SLC35F3: variants seen among roughly 807,000 people sequenced by gnomAD.
SLC35F3 encodes the protein solute carrier family 35 member F3, also known as putative thiamine transporter SLC35F3.
Under a neutral mutation model 49.9 loss-of-function variants are expected in SLC35F3, and 25 were observed. That is an observed-to-expected ratio of 0.50 (90% CI 0.37 to 0.70). SLC35F3 has a LOEUF of 0.70. SLC35F3 is among the 30% of genes least tolerant of loss of function. SLC35F3 has a pLI of 0.00. For synonymous variants in SLC35F3, 275 were observed against 265.4 expected (o/e 1.04, Z -0.35); for missense variants, 525 against 639.8 (o/e 0.82, Z 1.94).
chr1:233,916,041 C>G (rs1189310829), intron 2 of SLC35F3, among the ~76,000 whole-genome samples: 2 of 152,298 alleles, frequency 1.3e-5, no homozygotes, highest in Admixed American at 6.5e-5. Flanking sequence ...TAAACATTTT[C>G]CATGGCAAAA....
At chr1:233,999,210 C>T (rs1409419909) in intron 2 of SLC35F3, among the ~76,000 whole-genome samples, 1 of 152,114 alleles carries the variant, frequency 6.6e-6, no homozygotes, top group African/African-American at 2.4e-5. Context: ...CACGTTTTTT[C>T]CACCGCGTCC....
At chr1:234,234,968 T>C (rs976838159) in intron 3 of SLC35F3, among the ~76,000 whole-genome samples, 3 of 152,216 alleles carry the variant, frequency 2.0e-5, no homozygotes, top group African/African-American at 7.2e-5. Flanking sequence ...TTGCCCATGC[T>C]TTGTTCGTGA....
chr1:234,245,936 T>C (rs1558272025), intron 3 of SLC35F3, among the ~76,000 whole-genome samples: 1 of 152,148 alleles, frequency 6.6e-6, no homozygotes, highest in African/African-American at 2.4e-5. Flanking sequence ...TCCACCATAG[T>C]TTATGTCAAG....
chr1:234,021,769 G>A (rs1331172031), intron 2 of SLC35F3, among the ~76,000 whole-genome samples: 2 of 151,850 alleles, frequency 1.3e-5, no homozygotes, highest in East Asian at 3.9e-4. Context: ...ACACCATTCA[G>A]GTTTTTATTC....
intron 2 of SLC35F3, among the ~76,000 whole-genome samples, chr1:233,950,506 CCCTTCCTTCCTTCCTTTTT>C (rs1239712657): frequency 5.7e-5 from 8 of 139,216 alleles, no homozygotes; most frequent in East Asian, 4.5e-4. Context: ...CCCACTTCCT[CCCTTCCTTCCTTCCTTTTT>C]CCTTCCTTCC....
At chr1:234,312,516 T>TG (rs777502960) in intron 4 of SLC35F3, among the ~76,000 whole-genome samples, 63 of 152,270 alleles carry the variant, frequency 4.1e-4, no homozygotes, top group Non-Finnish European at 7.1e-4. Flanking sequence ...CCCTGCTGTG[T>TG]GGGGGGCTGC....
intron 2 of SLC35F3, among the ~76,000 whole-genome samples, chr1:234,087,579 C>T (rs1664980110): frequency 6.6e-6 from 1 of 152,194 alleles, no homozygotes; most frequent in African/African-American, 2.4e-5. Context: ...AGCCTAGGAT[C>T]CTCCCACTGC....
At chr1:234,062,707 C>A (rs919691543) in intron 2 of SLC35F3, among the ~76,000 whole-genome samples, 1 of 149,992 alleles carries the variant, frequency 6.7e-6, no homozygotes, top group African/African-American at 2.5e-5. Flanking sequence ...TGAGACGGAG[C>A]CTTGCTCTGT....
chr1:234,287,771 G>A (rs898075684), intron 3 of SLC35F3, among the ~76,000 whole-genome samples: 3 of 152,204 alleles, frequency 2.0e-5, no homozygotes, highest in Non-Finnish European at 2.9e-5. Context: ...GCTTGAGGAT[G>A]TAAGACTTAA....
chr1:234,199,963 A>G lies in SLC35F3; in HGVS notation c.284-31454A>G, dbSNP rs144820319. Among the ~76,000 whole-genome samples the G allele has an allele frequency of 4.6e-5, 7 of 152,344 alleles. No homozygotes were observed. The South Asian group carries it at 6.2e-4, about 14-fold the overall frequency. ...TATTACCTCATACCTGTTAGAATGC[A>G]GTTACCAAAAAGGTGAATAATAGCA... is the stretch of plus-strand genomic sequence containing the variant. On this transcript the variant is annotated intron_variant, in intron 2 of 7. Transcript: ENST00000366618.
intron 2 of SLC35F3, among the ~76,000 whole-genome samples, chr1:233,949,592 C>T (rs766143186): frequency 2.0e-5 from 3 of 152,150 alleles, no homozygotes; most frequent in Non-Finnish European, 4.4e-5. Flanking sequence ...GAGAATTTCC[C>T]CAGGACCATG....
intron 2 of SLC35F3, among the ~76,000 whole-genome samples, chr1:234,079,902 T>C (rs919370675): frequency 2.6e-5 from 4 of 152,328 alleles, no homozygotes; most frequent in African/African-American, 9.6e-5. Context: ...GGCTTTTGTC[T>C]CTGGTTTCTG....
intron 3 of SLC35F3, among the ~76,000 whole-genome samples, chr1:234,253,124 G>A (rs1440710387): frequency 6.6e-6 from 1 of 152,046 alleles, no homozygotes; most frequent in Non-Finnish European, 1.5e-5. Flanking sequence ...TCAGGAGTTC[G>A]AGACCAGCCT....
At chr1:233,936,740 G>A (rs988536918) in intron 2 of SLC35F3, among the ~76,000 whole-genome samples, 6 of 151,874 alleles carry the variant, frequency 4.0e-5, no homozygotes, top group Admixed American at 2.6e-4. Flanking sequence ...CCAAGCTGAA[G>A]TGCAGTGGTG....
At chr1:234,004,196 AATGTC>A (rs1366775441) in intron 2 of SLC35F3, among the ~76,000 whole-genome samples, 2 of 152,298 alleles carry the variant, frequency 1.3e-5, no homozygotes, top group East Asian at 3.9e-4. Flanking sequence ...GAAACAATCT[AATGTC>A]TGTCAATAGA....
At chr1:233,974,804 A>T (rs771019712) in intron 2 of SLC35F3, among the ~76,000 whole-genome samples, 9 of 152,222 alleles carry the variant, frequency 5.9e-5, no homozygotes, top group Non-Finnish European at 1.0e-4. Flanking sequence ...AACTGAAAAG[A>T]GGGATTTGGA....
intron 3 of SLC35F3, among the ~76,000 whole-genome samples, chr1:234,280,405 C>A (rs1435799109): frequency 6.6e-6 from 1 of 152,210 alleles, no homozygotes; most frequent in Admixed American, 6.5e-5. Context: ...AACCTTTCTA[C>A]TGAGAATCAT....
chr1:234,276,041 C>G (rs941496178), intron 3 of SLC35F3, among the ~76,000 whole-genome samples: 3 of 152,142 alleles, frequency 2.0e-5, no homozygotes, highest in Admixed American at 2.0e-4. Context: ...AGCCCACACT[C>G]TTCATCATAT....
At chr1:233,995,231 A>G (rs1250148542) in intron 2 of SLC35F3, among the ~76,000 whole-genome samples, 1 of 152,214 alleles carries the variant, frequency 6.6e-6, no homozygotes, top group Admixed American at 6.5e-5. Context: ...AAATACTGAC[A>G]TACACATTTT....
Sources: allele counts gnomAD v4.1 joint callset (sites outside exome capture counted in the v4.1 genomes callset), GRCh38; gene constraint gnomAD v4.1.1; transcripts MANE v1.5; gene names NCBI Gene and HGNC (gene_info 2026-07-23, HGNC 2026-07-21).